Variants in CAST observed in about 807,000 individuals in gnomAD.
The protein encoded by CAST is calpastatin.
CAST carries 76 observed loss-of-function variants against 119.6 expected under a neutral mutation model. The observed-to-expected ratio is 0.64, with a 90% CI of 0.53 to 0.77. The LOEUF is 0.77. Among genes scored for constraint, CAST ranks in the 30% least tolerant of loss-of-function variants. The probability of loss-of-function intolerance (pLI) is 0.00; values close to 1 mark genes in which losing one functional copy is unlikely to be tolerated. For missense variants in CAST, 953 were observed against 946.5 expected (o/e 1.01, Z -0.09); for synonymous variants, 319 against 331.6 (o/e 0.96, Z 0.41).
At chr5:96,534,790 A>AAAG (rs1745767118) in intron 1 of CAST, among the ~76,000 whole-genome samples, 1 of 128,086 alleles carries the variant, frequency 7.8e-6, no homozygotes, top group Non-Finnish European at 1.7e-5. Flanking sequence ...AGAAAGAAAG[A>AAAG]AAGAAAGAAA....
At chr5:96,385,710 T>A in the CAST span, among the ~76,000 whole-genome samples, 1 of 152,214 alleles carries the variant, frequency 6.6e-6, no homozygotes, top group South Asian at 2.1e-4. Flanking sequence ...CATACTCTGT[T>A]CATGGAGCAG....
At chr5:96,278,390 C>T in the CAST span, among the ~76,000 whole-genome samples, 1 of 152,058 alleles carries the variant, frequency 6.6e-6, no homozygotes, top group Admixed American at 6.6e-5. Flanking sequence ...TGAGAGAACA[C>T]TCCGGAAACC....
At chr5:96,652,972 C>T (rs1165676543) in intron 1 of CAST, among the ~76,000 whole-genome samples, 2 of 152,256 alleles carry the variant, frequency 1.3e-5, no homozygotes, top group African/African-American at 2.4e-5. Context: ...ACTGGTTTGG[C>T]TTGAGCACAG....
chr5:96,317,366 A>T, the CAST span, among the ~76,000 whole-genome samples: 2 of 150,346 alleles, frequency 1.3e-5, no homozygotes, highest in Non-Finnish European at 3.0e-5. Context: ...AGTCCCAACT[A>T]CTAGGGAGGC....
chr5:96,736,222 G>T lies in CAST; in HGVS notation c.681G>T (p.Pro227=), dbSNP rs373067588. ...CAGCTGTGCCAGTTGAATCTAAACC[G>T]GATAAACCATCGGGAAAGGTATGAA... ...LTPAVPVESK[P]DKPSGKSGMD... The change falls in exon 10 of 32, where the codon CCG becomes CCT. Residue 227 remains proline, a synonymous_variant. Transcript: ENST00000675179. The T allele has an allele frequency of 1.2e-6, 2 of 1,610,884 alleles. No homozygotes were observed. The highest frequency in any genetic ancestry group is 1.7e-5 in the Admixed American group (1 of 59,920).
chr5:96,378,980 A>G, the CAST span, among the ~76,000 whole-genome samples: 20 of 152,186 alleles, frequency 1.3e-4, no homozygotes, highest in Non-Finnish European at 2.8e-4. Flanking sequence ...TTTCGAATTC[A>G]TTTTTAGTGA....
chr5:96,758,449 A>G (rs556465177), intron 24 of CAST, among the ~76,000 whole-genome samples: 37 of 152,206 alleles, frequency 2.4e-4, no homozygotes, highest in Non-Finnish European at 5.0e-4. Context: ...CCCAAACTTA[A>G]TAACTGCAGA....
chr5:96,065,421 G>GTA, the CAST span, among the ~76,000 whole-genome samples: 11 of 150,778 alleles, frequency 7.3e-5, no homozygotes, highest in African/African-American at 2.0e-4. Context: ...GTGTGTGTGT[G>GTA]TGTGTGTGTG....
At chr5:96,375,429 TGTGTG>T in the CAST span, among the ~76,000 whole-genome samples, 1 of 91,686 alleles carries the variant, frequency 1.1e-5, no homozygotes, top group East Asian at 3.1e-4. Flanking sequence ...TGTGTGTGTG[TGTGTG>T]TGTTTTTTTT....
chr5:96,059,080 T>G, the CAST span, among the ~76,000 whole-genome samples: 1 of 152,252 alleles, frequency 6.6e-6, no homozygotes, highest in East Asian at 1.9e-4. Flanking sequence ...CCTTTTTTTT[T>G]GTTAGAGATG....
intron 1 of CAST, among the ~76,000 whole-genome samples, chr5:96,669,118 A>C (rs1749731490): frequency 6.6e-6 from 1 of 152,272 alleles, no homozygotes; most frequent in South Asian, 2.1e-4. Context: ...TGAACACAGC[A>C]GAAGTGGAAC....
At chr5:96,290,463 T>A in the CAST span, among the ~76,000 whole-genome samples, 1 of 123,138 alleles carries the variant, frequency 8.1e-6, no homozygotes, top group Non-Finnish European at 1.7e-5. Context: ...CTATTCAAAA[T>A]TAAATTAAAT....
In CAST at chr5:96,537,491, G is replaced by A. The variant is rs531850715; in HGVS notation, c.60+7611G>A. ...ATACGTGTATGATGAGCCATTGATG[G>A]CCTTGAGATGAGAACTTTTTATTAA... On this transcript the variant is annotated intron_variant, in intron 1 of 11. Coordinates refer to the CAST transcript ENST00000505143. Among the ~76,000 whole-genome samples, 8 of 152,172 alleles carry A rather than the reference G, an allele frequency of 5.3e-5. No homozygotes were observed. The South Asian group carries it at 1.7e-3, about 32-fold the overall frequency.
intron 1 of CAST, among the ~76,000 whole-genome samples, chr5:96,633,715 C>A (rs1239505497): frequency 6.6e-6 from 1 of 152,220 alleles, no homozygotes; most frequent in Non-Finnish European, 1.5e-5. Context: ...TGTTCCCTTT[C>A]TTCACCCAGG....
chr5:96,690,167 C>A (rs1291551660), intron 2 of CAST, among the ~76,000 whole-genome samples: 1 of 152,164 alleles, frequency 6.6e-6, no homozygotes, highest in Non-Finnish European at 1.5e-5. Context: ...GGAGTGTGCT[C>A]ACCATAGTGG....
At chr5:96,036,913 GTC>G in the CAST span, among the ~76,000 whole-genome samples, 1 of 152,088 alleles carries the variant, frequency 6.6e-6, no homozygotes, top group Non-Finnish European at 1.5e-5. Context: ...TAAATAAAAT[GTC>G]TGAGAGCAAA....
chr5:96,345,425 G>A, the CAST span, among the ~76,000 whole-genome samples: 1 of 152,118 alleles, frequency 6.6e-6, no homozygotes, highest in Non-Finnish European at 1.5e-5. Context: ...CTTATTCTGA[G>A]CTTTCGACTT....
chr5:96,454,262 T>G, the CAST span, among the ~76,000 whole-genome samples: 5 of 152,198 alleles, frequency 3.3e-5, no homozygotes, highest in African/African-American at 1.2e-4. Flanking sequence ...ATCAGACCCA[T>G]ACTACAGACA....
the CAST span, among the ~76,000 whole-genome samples, chr5:95,993,390 CA>C: frequency 1.3e-5 from 2 of 152,052 alleles, no homozygotes; most frequent in Admixed American, 6.6e-5. Flanking sequence ...TGGTTCTTGC[CA>C]GGGGTGATTT....
Sources: gnomAD v4.1 joint callset for allele counts (sites outside exome capture counted in the v4.1 genomes callset) on GRCh38, gnomAD v4.1.1 for gene constraint, MANE v1.5 for transcripts, NCBI Gene and HGNC (gene_info 2026-07-23, HGNC 2026-07-21) for gene names.